The following GABRA3 variants were observed in gnomAD, a reference collection of about 807,000 sequenced individuals.
GABRA3 encodes gamma-aminobutyric acid receptor subunit alpha-3.
Under a neutral mutation model 30.1 loss-of-function variants are expected in GABRA3, and 10 were observed. The ratio of observed to expected loss-of-function variants is 0.33; its 90% CI spans 0.20 to 0.56. The LOEUF (loss-of-function observed/expected upper bound fraction) is 0.56, where lower values mean the gene tolerates loss of function less well. Ranked by LOEUF, GABRA3 falls within the 20% of genes least tolerant of loss-of-function variation. The pLI is 0.89. For synonymous variants in GABRA3, 151 were observed against 146.8 expected, an observed-to-expected ratio of 1.03 and a Z score of -0.21; for missense variants, 233 against 392.0, an observed-to-expected ratio of 0.59 and a Z score of 3.42.
chrX:152,447,067 C>T (rs1931105794), intron 1 of GABRA3, among the ~76,000 whole-genome samples: 1 of 111,235 alleles, frequency 9.0e-6, no homozygotes, highest in Non-Finnish European at 1.9e-5. Flanking sequence ...TTGCTTCTCT[C>T]TTATGGGTGT....
At chrX:152,417,479 G>A (rs898242120) in intron 1 of GABRA3, among the ~76,000 whole-genome samples, 1 of 107,960 alleles carries the variant, frequency 9.3e-6, no homozygotes, top group Non-Finnish European at 1.9e-5. Context: ...ATTCCTCAGG[G>A]ATCTAGAACT....
chrX:152,336,187 C>A (rs754559046), intron 3 of GABRA3, among the ~76,000 whole-genome samples: 3 of 109,554 alleles, frequency 2.7e-5, no homozygotes, highest in Non-Finnish European at 3.8e-5. Flanking sequence ...TATCTCCCCC[C>A]CTTCATTTTT....
At chrX:152,372,476 T>C in intron 1 of GABRA3, among the ~76,000 whole-genome samples, 1 of 111,993 alleles carries the variant, frequency 8.9e-6, no homozygotes, top group Non-Finnish European at 1.9e-5. Flanking sequence ...GATATATAAC[T>C]ACACAAAATT....
intron 4 of GABRA3, among the ~76,000 whole-genome samples, chrX:152,277,443 C>CTTTTA (rs1240783534): frequency 1.8e-5 from 2 of 111,012 alleles, no homozygotes; most frequent in East Asian, 5.6e-4. Context: ...ATGGTCAGTT[C>CTTTTA]TTTTATTGTA....
chrX:152,376,694 T>A (rs1011781384), intron 1 of GABRA3, among the ~76,000 whole-genome samples: 14 of 112,161 alleles, frequency 1.2e-4, no homozygotes, highest in African/African-American at 4.2e-4. Flanking sequence ...TAGTAATTTA[T>A]AATTGTTTAC....
intron 3 of GABRA3, among the ~76,000 whole-genome samples, chrX:152,317,106 C>G: frequency 8.9e-6 from 1 of 111,758 alleles, no homozygotes; most frequent in South Asian, 3.8e-4. Flanking sequence ...CTGCTGCCCT[C>G]AAGAGACTCA....
At chrX:152,284,536 G>A (rs1003977109) in intron 4 of GABRA3, 132 bp downstream of exon 4, 8 of 406,024 alleles carry the variant, frequency 2.0e-5, no homozygotes, top group East Asian at 1.5e-4. Flanking sequence ...GTAGGGTGGC[G>A]AGGGTAGGAA....
chrX:152,328,091 A>T (rs1255713440), intron 3 of GABRA3, among the ~76,000 whole-genome samples: 3 of 112,141 alleles, frequency 2.7e-5, no homozygotes, highest in Non-Finnish European at 3.8e-5. Flanking sequence ...ATAAACTAGA[A>T]AATCTAGAAG....
chrX:152,243,120 T>G (rs1001571814), intron 5 of GABRA3, among the ~76,000 whole-genome samples: 12 of 111,825 alleles, frequency 1.1e-4, no homozygotes, highest in Non-Finnish European at 2.3e-4. Flanking sequence ...AGACAAATAC[T>G]CTACAATCTC....
chrX:152,369,021 T>G (rs776495783), intron 1 of GABRA3, among the ~76,000 whole-genome samples: 1 of 111,630 alleles, frequency 9.0e-6, no homozygotes, highest in East Asian at 2.8e-4. Context: ...TTAATTTTTT[T>G]TGAGAGACCT....
At chrX:152,249,548 A>G (rs1429686879) in intron 5 of GABRA3, among the ~76,000 whole-genome samples, 3 of 110,803 alleles carry the variant, frequency 2.7e-5, no homozygotes, top group Non-Finnish European at 5.7e-5. Context: ...GCCTTCCTCT[A>G]ATCTGCCTCC....
At chrX:152,375,464 T>C (rs1849903618) in intron 1 of GABRA3, among the ~76,000 whole-genome samples, 1 of 112,351 alleles carries the variant, frequency 8.9e-6, no homozygotes. Context: ...TTATAAACTT[T>C]TACTTCTACT....
chrX:152,239,741 T>C (rs1322047092), intron 5 of GABRA3, among the ~76,000 whole-genome samples: 19 of 102,314 alleles, frequency 1.9e-4, no homozygotes, highest in Non-Finnish European at 3.7e-4. Flanking sequence ...CCCTTTACCA[T>C]TATGTAATGG....
At chrX:152,225,385 A>G (rs892313817) in intron 5 of GABRA3, among the ~76,000 whole-genome samples, 1 of 100,625 alleles carries the variant, frequency 9.9e-6, no homozygotes, top group Non-Finnish European at 2.0e-5. Context: ...GAACACACAC[A>G]CACATACACC....
At chrX:152,405,710 T>G (rs759263108) in intron 1 of GABRA3, among the ~76,000 whole-genome samples, 109 of 111,581 alleles carry the variant, frequency 9.8e-4, no homozygotes, top group Non-Finnish European at 1.7e-3. Flanking sequence ...ATTCCTTGAC[T>G]CACCCTGGGC....
intron 8 of GABRA3, among the ~76,000 whole-genome samples, chrX:152,190,540 A>C (rs748746055): frequency 4.6e-5 from 5 of 108,674 alleles, no homozygotes; most frequent in Non-Finnish European, 7.6e-5. Context: ...TCTTTTCTGA[A>C]TAGCCCAGAA....
At position 152,168,328 on chromosome X, in the gene GABRA3, C is replaced by T. The variant is rs1363805045; in HGVS notation, c.1379G>A (p.Arg460His). ...NSVSKVDKIS[R>H]IIFPVLFAIF... The stretch of plus-strand genomic sequence containing the variant: ...GGCAAAGAGCACAGGAAAGATGATG[C>T]GGGAAATTTTGTCAACCTTGCTGAC... The change falls in exon 10 of 10, where the codon CGC becomes CAC. Residue 460 changes from arginine (R) to histidine (H), a missense_variant. This residue lies in a region of GABRA3 where 18 missense variants were observed against 38.5 expected (regional missense o/e 0.47). Transcript: ENST00000370314. The T allele has an allele frequency of 1.7e-6, 2 of 1,211,267 alleles. No individual in the cohort carries two copies. The highest frequency in any genetic ancestry group is 2.2e-6 in the Non-Finnish European group (2 of 895,139).
At chrX:152,423,468 T>C (rs1259828691) in intron 1 of GABRA3, among the ~76,000 whole-genome samples, 1 of 112,208 alleles carries the variant, frequency 8.9e-6, no homozygotes, top group Non-Finnish European at 1.9e-5. Context: ...AATTATGAAG[T>C]ATTCAATAAG....
chrX:152,334,290 C>T (rs1940202651), intron 3 of GABRA3, among the ~76,000 whole-genome samples: 1 of 111,413 alleles, frequency 9.0e-6, no homozygotes, highest in South Asian at 3.8e-4. Flanking sequence ...CCCTTTCTCC[C>T]TAAGATCAGG....
Sources: gnomAD v4.1 joint callset for allele counts (sites outside exome capture counted in the v4.1 genomes callset) on GRCh38, gnomAD v4.1.1 for gene constraint, gnomAD v4.1.1 regional missense constraint, MANE v1.5 for transcripts, NCBI Gene and HGNC (gene_info 2026-07-23, HGNC 2026-07-21) for gene names.